ABLIM3: variants seen among roughly 807,000 people sequenced by gnomAD.
ABLIM3 encodes the protein actin-binding LIM protein 3.
Under a neutral mutation model 109.5 loss-of-function variants are expected in ABLIM3, and 61 were observed. The observed-to-expected ratio is 0.56, with a 90% CI of 0.45 to 0.69. ABLIM3 has a LOEUF of 0.69. Among genes scored for constraint, ABLIM3 ranks in the 30% least tolerant of loss-of-function variants. The pLI, the probability that ABLIM3 is intolerant of heterozygous loss-of-function variation, is 0.00. For missense variants in ABLIM3, 796 were observed against 889.5 expected (o/e 0.89, Z 1.34); for synonymous variants, 300 against 324.8 (o/e 0.92, Z 0.82).
At chr5:149,247,698 G>C (rs775137915) in intron 17 of ABLIM3, 84 bp from the exon 18 acceptor site, 11 of 1,553,704 alleles carry the variant, frequency 7.1e-6, no homozygotes, top group Non-Finnish European at 8.9e-6. Context: ...TGGAGGATGT[G>C]ATCCTCAGCC....
Position 149,247,774 on chromosome 5 carries a change from A to G in ABLIM3, c.1552-8A>G. On this transcript the variant is annotated splice_region_variant and splice_polypyrimidine_tract_variant and intron_variant, in intron 17 of 23. Transcript: ENST00000309868. Reference sequence around the variant, plus strand: ...TCTAACTTTATCTTGCTCTTCCCCGACCCTCAGCTCCAAAGTGGAATTGGC... The same window carrying G: ...TCTAACTTTATCTTGCTCTTCCCCGGCCCTCAGCTCCAAAGTGGAATTGGC... 2 of 1,614,140 alleles carry G rather than the reference A, an allele frequency of 1.2e-6. No homozygotes were observed. The highest frequency in any genetic ancestry group is 2.2e-5 in the South Asian group (2 of 91,078).
At chr5:149,252,328 G>C in intron 22 of ABLIM3, 120 bp downstream of exon 22, 1 of 1,190,470 alleles carries the variant, frequency 8.4e-7, no homozygotes, top group Non-Finnish European at 1.2e-6. Context: ...AATAACCCCA[G>C]GGGTCCTTTC....
intron 3 of ABLIM3, among the ~76,000 whole-genome samples, chr5:149,192,053 A>G (rs2127487228): frequency 6.6e-6 from 1 of 152,294 alleles, no homozygotes; most frequent in East Asian, 1.9e-4. Context: ...TATGTATACA[A>G]AAATTATAAA....
intron 18 of ABLIM3, among the ~76,000 whole-genome samples, chr5:149,248,463 G>A (rs917361175): frequency 1.3e-5 from 2 of 151,972 alleles, no homozygotes; most frequent in African/African-American, 4.8e-5. Context: ...AGGCCGAGGC[G>A]GGCAGATCAT....
intron 21 of ABLIM3, 55 bp downstream of exon 21, chr5:149,251,474 C>CA: frequency 1.3e-6 from 2 of 1,588,564 alleles, no homozygotes; most frequent in Non-Finnish European, 1.7e-6. Flanking sequence ...ATGTACCACT[C>CA]AAAACTGCAG....
At chr5:149,257,064 A>C (rs994081501) in intron 23 of ABLIM3, among the ~76,000 whole-genome samples, 2 of 152,194 alleles carry the variant, frequency 1.3e-5, no homozygotes, top group Admixed American at 1.3e-4. Flanking sequence ...CAGCACTTTG[A>C]GAGGCTGAGG....
chr5:149,170,649 G>A (rs1025629518), intron 2 of ABLIM3, among the ~76,000 whole-genome samples: 6 of 152,100 alleles, frequency 3.9e-5, no homozygotes, highest in Non-Finnish European at 8.8e-5. Flanking sequence ...ATTATACATG[G>A]GCCAAACCAT....
intron 11 of ABLIM3, among the ~76,000 whole-genome samples, chr5:149,238,155 C>T (rs539767533): frequency 2.6e-5 from 4 of 152,148 alleles, no homozygotes; most frequent in Non-Finnish European, 5.9e-5. Context: ...TAACAGATAG[C>T]TTTTGAAATC....
At position 149,255,962 on chromosome 5, in the gene ABLIM3, A is replaced by T. The variant is rs377256268; in HGVS notation, c.1939-2329A>T. Among the ~76,000 whole-genome samples, 7 of 152,332 alleles carry T rather than the reference A, an allele frequency of 4.6e-5. No homozygotes were observed. In the East Asian group the frequency reaches 1.3e-3, roughly 29 times the overall value. On this transcript the variant is annotated intron_variant, in intron 23 of 23. Coordinates refer to ENST00000309868, the MANE Select transcript of ABLIM3 (RefSeq NM_014945.5). The stretch of plus-strand genomic sequence containing the variant: ...CACTAGGATGCTCCCATTTTCCAGA[A>T]AAGGAAATTGAAGTTCAGGAGGGGT...
chr5:149,175,263 A>G (rs1755820920), intron 2 of ABLIM3, among the ~76,000 whole-genome samples: 1 of 152,016 alleles, frequency 6.6e-6, no homozygotes, highest in Admixed American at 6.5e-5. Context: ...TTTACCCACC[A>G]CTCTTGTGCC....
rs148053233 is a variant in ABLIM3 at position 149,155,941 on chromosome 5, A to G, written c.13+13833A>G. ...AGTAGTGACCTGCCCAGAGCTGTGC[A>G]TTATTTAGGAAGATCTCCCCAGCAA... On this transcript the variant is annotated intron_variant, in intron 2 of 23. Transcript: ENST00000309868. 3.5e-3 allele frequency among the ~76,000 whole-genome samples: 528 copies of G among 152,336 alleles called. 3 individuals carry two copies. Among genetic ancestry groups the G allele is most frequent in the African/African-American group, 0.012 (498 of 41,580 alleles).
intron 2 of ABLIM3, among the ~76,000 whole-genome samples, chr5:149,153,580 C>G (rs908071293): frequency 6.6e-6 from 1 of 152,170 alleles, no homozygotes; most frequent in African/African-American, 2.4e-5. Flanking sequence ...TGATCAGGCT[C>G]TGTTTGAAAC....
At chr5:149,167,894 T>C (rs1409383105) in intron 2 of ABLIM3, among the ~76,000 whole-genome samples, 1 of 152,148 alleles carries the variant, frequency 6.6e-6, no homozygotes, top group African/African-American at 2.4e-5. Context: ...CTGAGATCTG[T>C]GGGATGGAGG....
rs1754686526 is a variant in ABLIM3, at chr5:149,259,015, C to T, written c.*611C>T. ...CTAGGCCTCTCCTCAGCTCCTTAAC[C>T]CTCCTCCTTCTGCCCTGGATTGTAA... On this transcript the variant is annotated 3_prime_UTR_variant, in exon 24 of 24. Coordinates refer to ENST00000309868, the MANE Select transcript of ABLIM3 (RefSeq NM_014945.5). The T allele has an allele frequency of 8.0e-6, 8 of 999,640 alleles. No individual in the cohort carries two copies. The highest frequency in any genetic ancestry group is 8.3e-6 in the Non-Finnish European group (7 of 838,326). 61.9% of individuals were successfully genotyped at this position (999,640 alleles called of 1,614,324 possible). A position where few individuals can be genotyped will look rare whatever the true frequency, so the allele number is the denominator to read the frequency against.
chr5:149,143,433 C>T (rs1045792184), intron 2 of ABLIM3, among the ~76,000 whole-genome samples: 1 of 151,562 alleles, frequency 6.6e-6, no homozygotes, highest in Non-Finnish European at 1.5e-5. Context: ...TCTTAAAAAG[C>T]TAGAGCTGAG....
intron 3 of ABLIM3, among the ~76,000 whole-genome samples, chr5:149,197,355 C>A (rs1264153623): frequency 6.6e-6 from 1 of 152,170 alleles, no homozygotes; most frequent in African/African-American, 2.4e-5. Context: ...ATGCTACCTC[C>A]TCTGAAAAGC....
intron 2 of ABLIM3, among the ~76,000 whole-genome samples, chr5:149,169,383 T>C (rs1262405725): frequency 1.3e-5 from 2 of 152,044 alleles, no homozygotes; most frequent in African/African-American, 4.8e-5. Context: ...AGGGCTGCAG[T>C]TCCAGCATCA....
At chr5:149,256,385 T>C (rs1036435421) in intron 23 of ABLIM3, among the ~76,000 whole-genome samples, 1 of 152,258 alleles carries the variant, frequency 6.6e-6, no homozygotes, top group Admixed American at 6.5e-5. Context: ...GGGACTCTCC[T>C]ATCCAAGGTG....
At chr5:149,205,622 G>A (rs978441332) in intron 5 of ABLIM3, among the ~76,000 whole-genome samples, 1 of 152,122 alleles carries the variant, frequency 6.6e-6, no homozygotes, top group Non-Finnish European at 1.5e-5. Flanking sequence ...TTATTGGGCA[G>A]GGGGTGCAAG....
Sources: allele counts gnomAD v4.1 joint callset (sites outside exome capture counted in the v4.1 genomes callset), GRCh38; gene constraint gnomAD v4.1.1; transcripts MANE v1.5; gene names NCBI Gene and HGNC (gene_info 2026-07-23, HGNC 2026-07-21).